Variants in PLG observed in about 807,000 individuals in gnomAD.
PLG encodes the protein plasmin.
PLG carries 41 observed loss-of-function variants against 104.4 expected under a neutral mutation model. The ratio of observed to expected loss-of-function variants is 0.39; its 90% CI spans 0.31 to 0.51. PLG has a LOEUF of 0.51. Among genes scored for constraint, PLG ranks in the 20% least tolerant of loss-of-function variants. PLG has a pLI of 0.76. For missense variants in PLG, 891 were observed against 1,003.6 expected (o/e 0.89, Z 1.52); for synonymous variants, 337 against 357.1 (o/e 0.94, Z 0.63).
chr6:160,733,114 C>T (rs1472721055), intron 12 of PLG, among the ~76,000 whole-genome samples: 2 of 152,118 alleles, frequency 1.3e-5, no homozygotes, highest in Non-Finnish European at 2.9e-5. Context: ...ACTCAGGAAC[C>T]CCCAAGGGAT....
chr6:160,710,389 G>A (rs1406109272), intron 3 of PLG, among the ~76,000 whole-genome samples: 1 of 151,986 alleles, frequency 6.6e-6, no homozygotes, highest in Non-Finnish European at 1.5e-5. Context: ...ACTCACGTGG[G>A]GGGAACAGAC....
rs1256611310 is a variant in PLG, at chr6:160,740,951, G to A, written c.2019-360G>A. On this transcript the variant is annotated intron_variant, in intron 16 of 18. Coordinates refer to ENST00000308192, the MANE Select transcript of PLG (RefSeq NM_000301.5). The surrounding 1 kb of genome is among the most constrained non-coding windows in gnomAD (Gnocchi z 5.2). Reference sequence around the variant, plus strand: ...GTGGCATCTCAGTCAGACATTCCATGCACTGATCAATGCCCTATTCGATTA... The same window carrying A: ...GTGGCATCTCAGTCAGACATTCCATACACTGATCAATGCCCTATTCGATTA... 6.8e-6 allele frequency among the ~76,000 whole-genome samples: 1 copy of A among 146,984 alleles called. No individual in the cohort carries two copies. Among genetic ancestry groups the A allele is most frequent in the African/African-American group, 2.7e-5 (1 of 36,494 alleles).
Position 160,741,317 on chromosome 6 carries a change from C to T in PLG, c.2025C>T (p.Ala675=), listed in dbSNP as rs370325463. 15 of 1,594,464 alleles carry T rather than the reference C, an allele frequency of 9.4e-6. No homozygotes were observed. The highest frequency in any genetic ancestry group is 8.0e-5 in the African/African-American group (6 of 74,746). ...DIALLKLSSP[A]VITDKVIPAC... is the part of the protein sequence containing the mutation. Reference sequence around the variant, plus strand: ...GCTGATGCTTTTCTTTCAGTCCTGCCGTCATCACTGACAAAGTAATCCCAG... The same window carrying T: ...GCTGATGCTTTTCTTTCAGTCCTGCTGTCATCACTGACAAAGTAATCCCAG... The change falls in exon 17 of 19, where the codon GCC becomes GCT. Residue 675 remains alanine, a synonymous_variant. Coordinates refer to ENST00000308192, the MANE Select transcript of PLG (RefSeq NM_000301.5). The surrounding 1 kb of genome is among the most constrained non-coding windows in gnomAD (Gnocchi z 4.7).
chr6:160,721,751 A>C (rs1777833037), intron 9 of PLG, among the ~76,000 whole-genome samples: 1 of 152,024 alleles, frequency 6.6e-6, no homozygotes, highest in Non-Finnish European at 1.5e-5. Context: ...GAAAGTAGTG[A>C]TTTTTCAGTG....
Position 160,718,355 on chromosome 6 carries a change from T to C in PLG, c.849T>C (p.Tyr283=), listed in dbSNP as rs1225427102. 6.2e-7 allele frequency: 1 copy of C among 1,613,924 alleles called. No individual in the cohort carries two copies. The highest frequency in any genetic ancestry group is 2.2e-5 in the East Asian group (1 of 44,876). ...YQCLKGTGEN[Y]RGNVAVTVSG... The stretch of plus-strand genomic sequence containing the variant: ...GTCTGAAGGGAACAGGTGAAAACTA[T>C]CGCGGGAATGTGGCTGTTACCGTGT... Residue 283 remains tyrosine (Y), a synonymous_variant, in exon 8 of 19, where the codon TAT becomes TAC. Coordinates refer to ENST00000308192, the MANE Select transcript of PLG (RefSeq NM_000301.5).
chr6:160,721,360 G>A (rs1006551251), intron 9 of PLG, among the ~76,000 whole-genome samples: 1 of 152,142 alleles, frequency 6.6e-6, no homozygotes, highest in East Asian at 1.9e-4. Flanking sequence ...CTTTGAAATG[G>A]ACACCCTTGT....
chr6:160,702,467 C>G, intron 1 of PLG, 114 bp downstream of exon 1: 3 of 1,337,512 alleles, frequency 2.2e-6, no homozygotes, highest in Non-Finnish European at 2.1e-6. Context: ...CATGAAACTT[C>G]CAGTTGAAAA....
Position 160,739,281 on chromosome 6 carries a change from T to C in PLG, c.2018+73T>C. The C allele has an allele frequency of 1.3e-6, 2 of 1,591,350 alleles. No homozygotes were observed. The highest frequency in any genetic ancestry group is 1.7e-6 in the Non-Finnish European group (2 of 1,159,726). ...CTTTATGTCTGGGTTTTATGGGCCA[T>C]GGCCACTGCATGGCAGTGGGGAGGA... On this transcript the variant is annotated intron_variant, in intron 16 of 18. Coordinates refer to ENST00000308192, the MANE Select transcript of PLG (RefSeq NM_000301.5). The surrounding 1 kb of genome is among the most constrained non-coding windows in gnomAD (Gnocchi z 4.4).
chr6:160,722,649 C>A (rs1258513518), intron 10 of PLG, 82 bp downstream of exon 10: 2 of 1,321,292 alleles, frequency 1.5e-6, no homozygotes, highest in South Asian at 1.2e-5. Context: ...TGCTTCAAGC[C>A]AACTTCCTAG....
rs1268184216 is a variant in PLG, at chr6:160,753,743, AT to A, written c.*683del. Reference sequence around the variant, plus strand: ...TGAGTCTAGGATTGGTGCCAAGAGCATGTAAATGAACAACAAGCAAATATTG... The same window carrying A: ...TGAGTCTAGGATTGGTGCCAAGAGCAGTAAATGAACAACAAGCAAATATTG... On this transcript the variant is annotated 3_prime_UTR_variant, in exon 19 of 19. Transcript: ENST00000308192. The surrounding 1 kb of genome is among the most constrained non-coding windows in gnomAD (Gnocchi z 5.4). Among the ~76,000 whole-genome samples, 29 of 152,174 alleles carry A rather than the reference AT, an allele frequency of 1.9e-4. No homozygotes were observed. The highest frequency in any genetic ancestry group is 1.9e-4 in the Non-Finnish European group (13 of 68,034).
Position 160,741,372 on chromosome 6 carries a change from G to C in PLG, c.2080G>C (p.Ala694Pro), listed in dbSNP as rs763815176. 2 of 1,613,352 alleles carry C rather than the reference G, an allele frequency of 1.2e-6. No homozygotes were observed. Residue 694 changes from alanine to proline, a missense_variant, in exon 17 of 19, where the codon GCT (alanine) becomes CCT (proline). Ala to Pro is a conservative substitution (Grantham distance 27). Coordinates refer to ENST00000308192, the MANE Select transcript of PLG (RefSeq NM_000301.5). This position sits in a 1 kb window ranked among gnomAD's most constrained non-coding sequence, Gnocchi z 4.7. ...ACLPSPNYVV[A>P]DRTECFITGW... is the part of the protein sequence containing the mutation. ...TCTGCCATCCCCAAATTATGTGGTC[G>C]CTGACCGGACCGAATGTTTCATCAC...
At chr6:160,751,587 CCAT>C (rs1391798173) in intron 17 of PLG, among the ~76,000 whole-genome samples, 3 of 152,258 alleles carry the variant, frequency 2.0e-5, no homozygotes, top group East Asian at 3.9e-4. Context: ...TCATGTGCAA[CCAT>C]CATCATATTT....
intron 9 of PLG, 54 bp downstream of exon 9, chr6:160,718,892 T>C: frequency 6.8e-7 from 1 of 1,474,166 alleles, no homozygotes; most frequent in Middle Eastern, 1.8e-4. Context: ...CTTATTTTTG[T>C]ATACCAGTGG....
intron 17 of PLG, among the ~76,000 whole-genome samples, chr6:160,745,382 A>ACCTTTTAC (rs2115184489): frequency 1.0e-5 from 1 of 97,036 alleles, no homozygotes; most frequent in Admixed American, 1.0e-4. Flanking sequence ...TTTGAATTGA[A>ACCTTTTAC]CCCTTTACCA....
At chr6:160,711,869 T>C in intron 4 of PLG, 2 of 1,378,212 alleles carry the variant, frequency 1.5e-6, no homozygotes, top group Non-Finnish European at 1.9e-6. Flanking sequence ...AAAATGAAAA[T>C]GAAGATACGT....
Position 160,723,126 on chromosome 6 carries a change from T to C in PLG, c.1256+559T>C, listed in dbSNP as rs1418948597. On this transcript the variant is annotated intron_variant, in intron 10 of 18. Transcript: ENST00000308192. The surrounding 1 kb of genome is among the most constrained non-coding windows in gnomAD (Gnocchi z 4.7). The stretch of plus-strand genomic sequence containing the variant: ...ATATGTACACATATATGTGTGTATA[T>C]ATATGTACACATATATGTGTGTATA... Among the ~76,000 whole-genome samples, 1 of 151,238 alleles carries C rather than the reference T, an allele frequency of 6.6e-6. No individual in the cohort carries two copies. Among genetic ancestry groups the C allele is most frequent in the Non-Finnish European group, 1.5e-5 (1 of 67,876 alleles).
At chr6:160,713,726 A>G (rs1421803407) in intron 5 of PLG, among the ~76,000 whole-genome samples, 5 of 152,240 alleles carry the variant, frequency 3.3e-5, no homozygotes, top group Admixed American at 1.3e-4. Flanking sequence ...AACAAAATCA[A>G]TAAAAATCAA....
At chr6:160,750,295 G>A (rs1300131353) in intron 17 of PLG, among the ~76,000 whole-genome samples, 3 of 152,100 alleles carry the variant, frequency 2.0e-5, no homozygotes, top group Non-Finnish European at 2.9e-5. Flanking sequence ...ACGCCCCATC[G>A]GGGAGGGCTT....
Position 160,718,734 on chromosome 6 carries a change from G to T in PLG, c.992G>T (p.Arg331Met). 3 of 1,613,860 alleles carry T rather than the reference G, an allele frequency of 1.9e-6. No homozygotes were observed. The highest frequency in any genetic ancestry group is 2.5e-6 in the Non-Finnish European group (3 of 1,179,832). ...TACTGCCGCAATCCTGACGGAAAAA[G>T]GGCCCCATGGTGCCATACAACCAAC... is the stretch of plus-strand genomic sequence containing the variant. ...ENYCRNPDGK[R>M]APWCHTTNSQ... Residue 331 changes from arginine to methionine, a missense_variant, in exon 9 of 19, where the codon AGG (arginine) becomes ATG (methionine). Physicochemically the swap from Arg to Met is moderately conservative, Grantham distance 91. Transcript: ENST00000308192.
Sources: allele counts gnomAD v4.1 joint callset (sites outside exome capture counted in the v4.1 genomes callset), GRCh38; gene constraint gnomAD v4.1.1; non-coding constraint Gnocchi (gnomAD v3.1); transcripts MANE v1.5; gene names NCBI Gene and HGNC (gene_info 2026-07-23, HGNC 2026-07-21).